The following PLCB4 variants were observed in gnomAD, a reference collection of about 807,000 sequenced individuals.
The protein encoded by PLCB4 is phospholipase C beta 4, also known as 1-phosphatidylinositol 4,5-bisphosphate phosphodiesterase beta-4.
Under a neutral mutation model 178.8 loss-of-function variants are expected in PLCB4, and 77 were observed. The observed-to-expected ratio is 0.43, with a 90% CI of 0.36 to 0.52. The LOEUF (loss-of-function observed/expected upper bound fraction) is 0.52. PLCB4 is among the 20% of genes least tolerant of loss of function. PLCB4 has a pLI of 0.00. For missense variants in PLCB4, 1,024 were observed against 1,453.4 expected (o/e 0.70, Z 4.80); for synonymous variants, 496 against 490.8 (o/e 1.01, Z -0.14).
chr20:9,099,543 G>A (rs2091059414), intron 2 of PLCB4, among the ~76,000 whole-genome samples: 1 of 151,864 alleles, frequency 6.6e-6, no homozygotes, highest in South Asian at 2.1e-4. Context: ...AGCTACATGT[G>A]GCTAGAGGGC....
intron 2 of PLCB4, among the ~76,000 whole-genome samples, chr20:9,207,257 A>G (rs2093625339): frequency 6.6e-6 from 1 of 152,214 alleles, no homozygotes; most frequent in Non-Finnish European, 1.5e-5. Context: ...TGGGGCTGAG[A>G]TTGAACTGTA....
At chr20:9,391,688 C>T (rs1288755997) in intron 17 of PLCB4, among the ~76,000 whole-genome samples, 1 of 152,192 alleles carries the variant, frequency 6.6e-6, no homozygotes, top group African/African-American at 2.4e-5. Context: ...TGAACACTGG[C>T]CTGACTTTCC....
At chr20:9,389,751 TG>T in intron 15 of PLCB4, 127 bp from the exon 16 acceptor site, 1 of 596,562 alleles carries the variant, frequency 1.7e-6, no homozygotes, top group East Asian at 2.7e-5. Flanking sequence ...TCAAGGTAGA[TG>T]GGGGCTCCAG....
chr20:9,328,309 A>G (rs1367219312), intron 4 of PLCB4, among the ~76,000 whole-genome samples: 2 of 152,210 alleles, frequency 1.3e-5, no homozygotes, highest in East Asian at 1.9e-4. Flanking sequence ...AAGGAAAGCA[A>G]CAGGTCAGTA....
rs74749182 is a variant in PLCB4, at chr20:9,097,632, C to T, written c.-79+1290C>T. ...AATAACAAATTCGTGATGCTGATGG[C>T]GTCTTTCCTCATTCTTCTGCAACCT... On this transcript the variant is annotated intron_variant, in intron 2 of 39. Transcript: ENST00000378473. Among the ~76,000 whole-genome samples the T allele has an allele frequency of 6.1e-3, 923 of 152,240 alleles. 27 individuals are homozygous for T. The East Asian group carries it at 0.1, about 17-fold the overall frequency.
chr20:9,414,946 G>A (rs77952760), intron 25 of PLCB4, among the ~76,000 whole-genome samples: 1 of 152,064 alleles, frequency 6.6e-6, no homozygotes, highest in Admixed American at 6.5e-5. Flanking sequence ...TACGTTCTAA[G>A]AACCCCAGTG....
chr20:9,362,157 A>G (rs780610646), intron 7 of PLCB4, among the ~76,000 whole-genome samples: 12 of 152,184 alleles, frequency 7.9e-5, no homozygotes, highest in African/African-American at 1.4e-4. Flanking sequence ...TGATTCTTCT[A>G]TGGCATTCAT....
chr20:9,290,169 A>G (rs1481565783), intron 3 of PLCB4, among the ~76,000 whole-genome samples: 1 of 135,876 alleles, frequency 7.4e-6, no homozygotes, highest in Non-Finnish European at 1.6e-5. Context: ...ATCCTTTCAG[A>G]AAAAAAAAAC....
intron 14 of PLCB4, among the ~76,000 whole-genome samples, chr20:9,385,341 A>G (rs890160604): frequency 2.0e-5 from 3 of 151,938 alleles, no homozygotes; most frequent in African/African-American, 7.2e-5. Context: ...TGTTGGGTAC[A>G]CTTCCCAGAT....
intron 2 of PLCB4, among the ~76,000 whole-genome samples, chr20:9,117,770 C>G (rs1290939664): frequency 1.3e-5 from 2 of 152,154 alleles, no homozygotes; most frequent in Non-Finnish European, 2.9e-5. Flanking sequence ...TGGCAGCTCC[C>G]CCTGCCTAGA....
At chr20:9,115,517 T>C (rs8117367) in intron 2 of PLCB4, among the ~76,000 whole-genome samples, 1 of 151,174 alleles carries the variant, frequency 6.6e-6, no homozygotes, top group Non-Finnish European at 1.5e-5. Flanking sequence ...CATGTTGTTG[T>C]GCTGCACCCA....
rs76308314 is a variant in PLCB4, at chr20:9,456,403, G to C, written c.2997-1011G>C. Reference sequence around the variant, plus strand: ...GGTAAAAAGATGAATGGGGGAACAAGGGAAGACAAGCTAAAGTTGGGAAAA... The same window carrying C: ...GGTAAAAAGATGAATGGGGGAACAACGGAAGACAAGCTAAAGTTGGGAAAA... On this transcript the variant is annotated intron_variant, in intron 33 of 39. Transcript: ENST00000378473. Among the ~76,000 whole-genome samples, 1,033 of 152,250 alleles carry C rather than the reference G, an allele frequency of 6.8e-3. 13 individuals carry two copies. The highest frequency in any genetic ancestry group is 0.024 in the African/African-American group (1,000 of 41,530).
chr20:9,451,167 T>C (rs1039108237), intron 32 of PLCB4, among the ~76,000 whole-genome samples: 1 of 152,180 alleles, frequency 6.6e-6, no homozygotes, highest in Non-Finnish European at 1.5e-5. Context: ...CCTGCCCTGC[T>C]CTTGTAGAGC....
intron 29 of PLCB4, among the ~76,000 whole-genome samples, 176 bp from the exon 30 acceptor site, chr20:9,436,826 C>A (rs533090435): frequency 6.6e-6 from 1 of 152,302 alleles, no homozygotes; most frequent in South Asian, 2.1e-4. Context: ...AGAAAGTATT[C>A]TCTGCTTGTT....
Position 9,437,063 on chromosome 20 carries a change from C to T in PLCB4, c.2675C>T (p.Thr892Ile), listed in dbSNP as rs2041817435. The change falls in exon 30 of 40, where the codon ACC becomes ATC. Residue 892 changes from threonine (T) to isoleucine (I), a missense_variant. Thr to Ile is a moderately conservative substitution (Grantham distance 89, BLOSUM62 -1). Transcript: ENST00000378473. ...SKNDKKGKAN[T>I]AKANVTPQSS... ...AATGACAAGAAAGGAAAGGCCAACA[C>T]CGCCAAAGCAAATGTGACCCCTCAG... The T allele has an allele frequency of 6.2e-7, 1 of 1,613,994 alleles. No individual in the cohort carries two copies. Among genetic ancestry groups the T allele is most frequent in the Non-Finnish European group, 8.5e-7 (1 of 1,179,908 alleles).
intron 28 of PLCB4, among the ~76,000 whole-genome samples, chr20:9,428,773 G>C (rs918017519): frequency 2.0e-5 from 3 of 152,108 alleles, no homozygotes; most frequent in South Asian, 4.2e-4. Context: ...GGTGGGGAGG[G>C]GGAGTGTAGG....
chr20:9,216,238 G>A (rs2093729977), intron 2 of PLCB4, among the ~76,000 whole-genome samples: 1 of 151,786 alleles, frequency 6.6e-6, no homozygotes, highest in African/African-American at 2.4e-5. Flanking sequence ...GTTTTTGTGA[G>A]ATGGAGTCTC....
chr20:9,213,076 A>T lies in PLCB4; in HGVS notation c.-78-4314A>T, dbSNP rs73600226. 8.9e-4 allele frequency among the ~76,000 whole-genome samples: 132 copies of T among 147,534 alleles called. 1 individual carries two copies. The East Asian group carries it at 0.012, about 13-fold the overall frequency. ...TGCCTGTAGTGGACATTTCATATAC[A>T]TGGGAACATACCATATGTGGTCTTT... is the stretch of plus-strand genomic sequence containing the variant. On this transcript the variant is annotated intron_variant, in intron 2 of 39. Transcript: ENST00000378473.
intron 3 of PLCB4, among the ~76,000 whole-genome samples, chr20:9,244,958 T>C (rs1271225384): frequency 6.6e-6 from 1 of 152,116 alleles, no homozygotes; most frequent in African/African-American, 2.4e-5. Context: ...GCTATGCTCA[T>C]GTGTATGTCT....
Sources: allele counts gnomAD v4.1 joint callset (sites outside exome capture counted in the v4.1 genomes callset), GRCh38; gene constraint gnomAD v4.1.1; transcripts MANE v1.5; gene names NCBI Gene and HGNC (gene_info 2026-07-23, HGNC 2026-07-21).